Variants in IGF2BP3 observed in about 807,000 individuals in gnomAD.
The protein encoded by IGF2BP3 is insulin like growth factor 2 mRNA binding protein 3.
In IGF2BP3, 9 loss-of-function variants were observed where a neutral mutation model predicts 73.8. The ratio of observed to expected loss-of-function variants is 0.12; its 90% confidence interval spans 0.07 to 0.21. IGF2BP3 has a LOEUF of 0.21. Among genes scored for constraint, IGF2BP3 ranks in the 10% least tolerant of loss-of-function variants. IGF2BP3 has a pLI of 1.00. For synonymous variants in IGF2BP3, 258 were observed against 256.7 expected, an observed-to-expected ratio of 1.01 and a Z score of -0.05; for missense variants, 542 against 714.0, an observed-to-expected ratio of 0.76 and a Z score of 2.75.
intron 2 of IGF2BP3, among the ~76,000 whole-genome samples, chr7:23,461,840 A>G (rs1279071667): frequency 6.6e-6 from 1 of 152,234 alleles, no homozygotes; most frequent in Non-Finnish European, 1.5e-5. Flanking sequence ...CACTCTACCA[A>G]CTAAAGATGG....
At chr7:23,326,782 T>G (rs1391351528) in intron 10 of IGF2BP3, among the ~76,000 whole-genome samples, 1 of 141,676 alleles carries the variant, frequency 7.1e-6, no homozygotes, top group African/African-American at 2.6e-5. Context: ...ATGGATGAAA[T>G]TGGAAATCAT....
chr7:23,373,140 T>A (rs1413145099), intron 3 of IGF2BP3, among the ~76,000 whole-genome samples: 2 of 152,198 alleles, frequency 1.3e-5, no homozygotes, highest in Non-Finnish European at 2.9e-5. Context: ...CTTTATTAAC[T>A]CCCATGTATC....
intron 2 of IGF2BP3, among the ~76,000 whole-genome samples, chr7:23,430,385 CA>C (rs1198259820): frequency 6.6e-6 from 1 of 152,076 alleles, no homozygotes; most frequent in East Asian, 1.9e-4. Context: ...ATTTCTTATG[CA>C]AAAAAACTGG....
chr7:23,334,153 T>A (rs753554552), intron 10 of IGF2BP3, among the ~76,000 whole-genome samples: 17 of 152,032 alleles, frequency 1.1e-4, no homozygotes, highest in Non-Finnish European at 1.8e-4. Flanking sequence ...TGGGCTGATA[T>A]GATGAAACCC....
intron 7 of IGF2BP3, among the ~76,000 whole-genome samples, chr7:23,346,453 T>TTA (rs2128503065): frequency 6.6e-6 from 1 of 152,268 alleles, no homozygotes; most frequent in Non-Finnish European, 1.5e-5. Context: ...ACAACAGTGG[T>TTA]TACACTTTGG....
At chr7:23,446,432 G>A (rs374400205) in intron 2 of IGF2BP3, among the ~76,000 whole-genome samples, 44 of 152,010 alleles carry the variant, frequency 2.9e-4, no homozygotes, top group African/African-American at 9.4e-4. Context: ...GCATGGTGGC[G>A]GGCACCTGAA....
intron 12 of IGF2BP3, among the ~76,000 whole-genome samples, chr7:23,316,006 T>C (rs1290153263): frequency 1.3e-5 from 2 of 152,192 alleles, no homozygotes; most frequent in Non-Finnish European, 2.9e-5. Flanking sequence ...GACTAAAAGC[T>C]CAGCACCAAG....
chr7:23,397,532 G>A (rs1226294447), intron 3 of IGF2BP3, among the ~76,000 whole-genome samples: 1 of 152,098 alleles, frequency 6.6e-6, no homozygotes, highest in South Asian at 2.1e-4. Context: ...CTAGCCATAC[G>A]CCATGCCTCC....
chr7:23,345,906 A>C (rs1784817585), intron 8 of IGF2BP3, 34 bp downstream of exon 8: 1 of 1,604,480 alleles, frequency 6.2e-7, no homozygotes, highest in Non-Finnish European at 8.5e-7. Flanking sequence ...CAGTGTTGGA[A>C]AGTTTTCTTA....
chr7:23,319,159 G>T lies in IGF2BP3; in HGVS notation c.1299C>A (p.Arg433=). The T allele has an allele frequency of 1.2e-6, 2 of 1,612,860 alleles. No homozygotes were observed. Among genetic ancestry groups the T allele is most frequent in the South Asian group, 2.2e-5 (2 of 91,006 alleles). ...KQGQHIKQLS[R]FAGASIKIAP... ...GTACCTTAATTGAAGCTCCAGCAAA[G>T]CGAGAAAGCTGCTTGATGTGCTGGC... The change falls in exon 11 of 15, where the codon CGC becomes CGA. Residue 433 remains arginine (R), a synonymous_variant. Transcript: ENST00000258729.
intron 3 of IGF2BP3, among the ~76,000 whole-genome samples, chr7:23,366,418 G>A (rs963540388): frequency 1.3e-5 from 2 of 152,144 alleles, no homozygotes; most frequent in Non-Finnish European, 2.9e-5. Context: ...GATTACAGGT[G>A]TGAGCCACCA....
chr7:23,337,819 G>A (rs1238075569), intron 10 of IGF2BP3, among the ~76,000 whole-genome samples: 1 of 152,158 alleles, frequency 6.6e-6, no homozygotes, highest in Non-Finnish European at 1.5e-5. Flanking sequence ...ACAGGTGTCT[G>A]TCACCACATC....
intron 12 of IGF2BP3, among the ~76,000 whole-genome samples, chr7:23,314,268 C>T (rs948447001): frequency 2.0e-5 from 3 of 151,746 alleles, no homozygotes; most frequent in African/African-American, 4.8e-5. Flanking sequence ...CTGCAACCCC[C>T]GCCTCCCAGG....
At chr7:23,459,855 G>A (rs1043592105) in intron 2 of IGF2BP3, among the ~76,000 whole-genome samples, 1 of 151,480 alleles carries the variant, frequency 6.6e-6, no homozygotes, top group Admixed American at 6.6e-5. Context: ...AACTGGACTT[G>A]GTCTACACTC....
At chr7:23,401,694 G>C (rs1395972658) in intron 3 of IGF2BP3, among the ~76,000 whole-genome samples, 3 of 152,030 alleles carry the variant, frequency 2.0e-5, no homozygotes, top group Admixed American at 6.5e-5. Context: ...GAACCCAGGA[G>C]GTAAAGGTTG....
chr7:23,400,862 C>T (rs866369076), intron 3 of IGF2BP3, among the ~76,000 whole-genome samples: 10 of 152,318 alleles, frequency 6.6e-5, no homozygotes, highest in African/African-American at 2.2e-4. Context: ...TGCAGAGGCA[C>T]GATCTTGGCC....
At chr7:23,448,362 T>G (rs1402247516) in intron 2 of IGF2BP3, among the ~76,000 whole-genome samples, 1 of 152,206 alleles carries the variant, frequency 6.6e-6, no homozygotes, top group African/African-American at 2.4e-5. Flanking sequence ...CCTCCTCATG[T>G]GTACTTGTTT....
At chr7:23,461,771 T>G (rs1788455634) in intron 2 of IGF2BP3, among the ~76,000 whole-genome samples, 1 of 152,204 alleles carries the variant, frequency 6.6e-6, no homozygotes, top group Non-Finnish European at 1.5e-5. Flanking sequence ...TTCCTTCAAT[T>G]TGTGGAAGAT....
intron 12 of IGF2BP3, among the ~76,000 whole-genome samples, chr7:23,314,336 C>A (rs1363499942): frequency 6.6e-6 from 1 of 152,154 alleles, no homozygotes; most frequent in Non-Finnish European, 1.5e-5. Flanking sequence ...GCACTAGCCA[C>A]CACACCTGGC....
Sources: gnomAD v4.1 joint callset for allele counts (sites outside exome capture counted in the v4.1 genomes callset) on GRCh38, gnomAD v4.1.1 for gene constraint, MANE v1.5 for transcripts, NCBI Gene and HGNC (gene_info 2026-07-23, HGNC 2026-07-21) for gene names.